DNAJC2: variants seen among roughly 807,000 people sequenced by gnomAD.
DNAJC2 encodes DnaJ heat shock protein family (Hsp40) member C2, also known as dnaJ homolog subfamily C member 2.
DNAJC2 carries 32 observed loss-of-function variants against 94.0 expected under a neutral mutation model. The observed-to-expected ratio is 0.34, with a 90% CI of 0.26 to 0.46. The LOEUF is 0.46. DNAJC2 is among the 20% of genes least tolerant of loss of function. The pLI, the probability that DNAJC2 is intolerant of heterozygous loss-of-function variation, is 1.00. For synonymous variants in DNAJC2, 210 were observed against 229.7 expected (o/e 0.91, Z 0.77); for missense variants, 550 against 719.5 (o/e 0.76, Z 2.69).
At chr7:103,337,086 ATCACCT>A (rs1819203170) in intron 3 of DNAJC2, 1 of 152,218 alleles carries the variant, frequency 6.6e-6, no homozygotes, top group Non-Finnish European at 1.5e-5. Context: ...TAGAAAACTG[ATCACCT>A]TCACCTCTTA....
At chr7:103,319,310 G>A (rs139175641) in intron 12 of DNAJC2, among the ~76,000 whole-genome samples, 2,163 of 152,198 alleles carry the variant, frequency 0.014, 50 homozygotes, top group African/African-American at 0.047. Flanking sequence ...GGTGTTGTGC[G>A]CCTATAATCC....
intron 12 of DNAJC2, among the ~76,000 whole-genome samples, chr7:103,319,377 TAG>T (rs1199172944): frequency 4.6e-5 from 7 of 151,132 alleles, no homozygotes; most frequent in Non-Finnish European, 1.0e-4. Flanking sequence ...GCGGAGGTTG[TAG>T]TGAGCCAAGA....
intron 3 of DNAJC2, among the ~76,000 whole-genome samples, chr7:103,332,259 C>T (rs746528226): frequency 2.3e-4 from 35 of 152,310 alleles, no homozygotes; most frequent in South Asian, 6.2e-4. Flanking sequence ...CCCGCCTTGG[C>T]CTCCCAAAGT....
intron 16 of DNAJC2, 112 bp from the exon 17 acceptor site, chr7:103,312,755 C>T (rs1001464628): frequency 3.9e-6 from 6 of 1,526,850 alleles, no homozygotes; most frequent in African/African-American, 1.4e-5. Context: ...ACTAAATATA[C>T]TGATTTCATT....
At chr7:103,326,458 T>C (rs765918222) in intron 5 of DNAJC2, 85 bp downstream of exon 5, 5 of 1,321,842 alleles carry the variant, frequency 3.8e-6, no homozygotes, top group Non-Finnish European at 5.4e-6. Context: ...ATGAAACTAT[T>C]ATCAGAGGGA....
Position 103,315,784 on chromosome 7 carries a change from G to T in DNAJC2, c.1616C>A (p.Thr539Lys). Residue 539 changes from threonine to lysine, a missense_variant, in exon 15 of 17, where the codon ACG becomes AAG. Thr to Lys is a moderately conservative substitution (Grantham distance 78). This residue lies in a region of DNAJC2 where 271 missense variants were observed against 302.6 expected (regional missense o/e 0.90). Coordinates refer to ENST00000379263, the MANE Select transcript of DNAJC2 (RefSeq NM_014377.3). The stretch of plus-strand genomic sequence containing the variant: ...TTTACCTTCAAATCGTTCTGAAGGC[G>T]TTGCGTTGTCTGCTTGAGGTACCAC... Reference protein sequence around the residue: ...HGVVPQADNATPSERFEGPYT... With the variant: ...HGVVPQADNAKPSERFEGPYT... 1 of 1,613,518 alleles carries T rather than the reference G, an allele frequency of 6.2e-7. No individual in the cohort carries two copies.
chr7:103,321,541 A>T (rs994795679), intron 10 of DNAJC2, among the ~76,000 whole-genome samples: 1 of 148,658 alleles, frequency 6.7e-6, no homozygotes, highest in Non-Finnish European at 1.5e-5. Context: ...AATAAAAATA[A>T]TTTTTTTTTT....
At chr7:103,341,535 A>C (rs1168503621) in intron 2 of DNAJC2, among the ~76,000 whole-genome samples, 2 of 152,202 alleles carry the variant, frequency 1.3e-5, no homozygotes, top group Non-Finnish European at 2.9e-5. Context: ...TGTCCTTTTA[A>C]GACCGGTGCA....
chr7:103,322,395 C>T, intron 9 of DNAJC2, 116 bp downstream of exon 9: 3 of 1,080,766 alleles, frequency 2.8e-6, no homozygotes, highest in Non-Finnish European at 3.9e-6. Context: ...TTCACAGTAG[C>T]ACCCAATTCT....
intron 12 of DNAJC2, among the ~76,000 whole-genome samples, chr7:103,319,099 CCGCA>C (rs1693132126): frequency 6.6e-6 from 1 of 152,030 alleles, no homozygotes; most frequent in Non-Finnish European, 1.5e-5. Flanking sequence ...GTAATCCCAC[CCGCA>C]CTCCAGCCTG....
chr7:103,328,086 A>T (rs905186848), intron 3 of DNAJC2, among the ~76,000 whole-genome samples: 1 of 151,432 alleles, frequency 6.6e-6, no homozygotes, highest in Non-Finnish European at 1.5e-5. Flanking sequence ...ATGCCCAGCT[A>T]TTTTTTTGTA....
chr7:103,323,843 A>G (rs1818556568), intron 6 of DNAJC2, among the ~76,000 whole-genome samples, 180 bp from the exon 7 acceptor site: 1 of 152,312 alleles, frequency 6.6e-6, no homozygotes, highest in African/African-American at 2.4e-5. Flanking sequence ...TAAAATGCAC[A>G]TATCACTCCA....
At chr7:103,336,615 G>A (rs938015549) in intron 3 of DNAJC2, 2 of 152,144 alleles carry the variant, frequency 1.3e-5, no homozygotes, top group Non-Finnish European at 2.9e-5. Flanking sequence ...CAAAGTGTTG[G>A]GATTATAGGC....
At chr7:103,317,129 C>A in intron 12 of DNAJC2, 115 bp from the exon 13 acceptor site, 1 of 919,484 alleles carries the variant, frequency 1.1e-6, no homozygotes, top group East Asian at 2.5e-5. Context: ...CACTCTGACC[C>A]CATACTCCTC....
chr7:103,314,521 G>A (rs1255165925), intron 15 of DNAJC2: 1 of 985,230 alleles, frequency 1.0e-6, no homozygotes, highest in Non-Finnish European at 1.2e-6. Flanking sequence ...ATGGAAACAA[G>A]TCCCCCTAAG....
In DNAJC2 at chr7:103,326,577, C is replaced by T. The variant is rs1044150804; in HGVS notation, c.538G>A (p.Glu180Lys). 23 of 1,613,690 alleles carry T rather than the reference C, an allele frequency of 1.4e-5. No homozygotes were observed. The highest frequency in any genetic ancestry group is 8.9e-5 in the East Asian group (4 of 44,844). The change falls in exon 5 of 17, where the codon GAA becomes AAA. Residue 180 changes from glutamate to lysine, a missense_variant. Glu to Lys is a moderately conservative substitution (Grantham distance 56). This residue lies in a region of DNAJC2 where 279 missense variants were observed against 416.9 expected (regional missense o/e 0.67). Transcript: ENST00000379263. ...CTTTCAAACACTGGGGTAAACACTT[C>T]GAAGAAATTATCCTTTGCTTCACTT... ...SKSEAKDNFF[E>K]VFTPVFERNS...
chr7:103,321,676 T>A (rs1818423896), intron 10 of DNAJC2, among the ~76,000 whole-genome samples: 1 of 151,518 alleles, frequency 6.6e-6, no homozygotes, highest in African/African-American at 2.4e-5. Context: ...GGCGAAACCC[T>A]GTCTCTACTA....
intron 15 of DNAJC2, chr7:103,313,532 A>C: frequency 1.0e-6 from 1 of 984,066 alleles, no homozygotes; most frequent in Non-Finnish European, 1.2e-6. Context: ...CTTTTGCTGG[A>C]TAGAAACCCT....
intron 4 of DNAJC2, chr7:103,327,286 A>C: frequency 9.8e-7 from 1 of 1,021,870 alleles, no homozygotes; most frequent in Non-Finnish European, 1.3e-6. Context: ...TCTGAAACGA[A>C]AAAAAAAAAA....
Sources: allele counts gnomAD v4.1 joint callset (sites outside exome capture counted in the v4.1 genomes callset), GRCh38; gene constraint gnomAD v4.1.1; regional missense constraint gnomAD v4.1.1; transcripts MANE v1.5; gene names NCBI Gene and HGNC (gene_info 2026-07-23, HGNC 2026-07-21).